Variants in FBXL17 observed in about 807,000 individuals in gnomAD.
The protein encoded by FBXL17 is F-box and leucine rich repeat protein 17.
Under a neutral mutation model 66.2 loss-of-function variants are expected in FBXL17, and 22 were observed. The observed-to-expected ratio is 0.33, with a 90% CI of 0.24 to 0.47. The LOEUF (loss-of-function observed/expected upper bound fraction) is 0.47. Among genes scored for constraint, FBXL17 ranks in the 20% least tolerant of loss-of-function variants. The pLI is 1.00. For missense variants in FBXL17, 878 were observed against 948.2 expected, an observed-to-expected ratio of 0.93 and a Z score of 0.97; for synonymous variants, 474 against 400.5, an observed-to-expected ratio of 1.18 and a Z score of -2.19.
At chr5:108,111,148 G>C (rs1750017110) in intron 6 of FBXL17, among the ~76,000 whole-genome samples, 1 of 151,294 alleles carries the variant, frequency 6.6e-6, no homozygotes, top group African/African-American at 2.4e-5. Flanking sequence ...GAATGAACCA[G>C]TGAATTCATA....
chr5:108,044,360 G>A (rs188274), intron 6 of FBXL17, among the ~76,000 whole-genome samples: 31,090 of 152,026 alleles, frequency 0.2, 3,535 homozygotes, highest in South Asian at 0.45. Context: ...GTTCCTGTCT[G>A]TTTCTGTCTT....
chr5:108,142,992 T>TAATAATAATAATAAA (rs1444891016), intron 6 of FBXL17, among the ~76,000 whole-genome samples: 1 of 150,172 alleles, frequency 6.7e-6, no homozygotes, highest in Non-Finnish European at 1.5e-5. Context: ...ATAATAATAA[T>TAATAATAATAATAAA]AATAATAATA....
At chr5:108,229,566 T>C (rs1360706500) in intron 4 of FBXL17, among the ~76,000 whole-genome samples, 1 of 152,014 alleles carries the variant, frequency 6.6e-6, no homozygotes, top group Non-Finnish European at 1.5e-5. Context: ...AAAAATCGAA[T>C]CAAGATGGAT....
intron 6 of FBXL17, among the ~76,000 whole-genome samples, chr5:108,126,499 G>C (rs1465906381): frequency 1.3e-5 from 2 of 151,560 alleles, no homozygotes. Flanking sequence ...ATTCTAGACA[G>C]CTAAGACCCT....
intron 6 of FBXL17, among the ~76,000 whole-genome samples, chr5:108,071,299 T>G (rs1167185118): frequency 2.0e-5 from 3 of 152,254 alleles, no homozygotes; most frequent in African/African-American, 4.8e-5. Context: ...CTTCCAGGTT[T>G]AAGGCATTGG....
chr5:107,916,259 A>C (rs967659258), intron 7 of FBXL17, among the ~76,000 whole-genome samples: 1 of 152,240 alleles, frequency 6.6e-6, no homozygotes, highest in Middle Eastern at 3.2e-3. Context: ...CCATCTAAAC[A>C]TGGTTAAGGT....
At chr5:107,927,500 T>C (rs753595317) in intron 7 of FBXL17, among the ~76,000 whole-genome samples, 1 of 152,104 alleles carries the variant, frequency 6.6e-6, no homozygotes, top group Non-Finnish European at 1.5e-5. Context: ...CACTTTCTTT[T>C]ACTTAAAGGA....
chr5:108,052,319 G>T (rs778358057), intron 6 of FBXL17, among the ~76,000 whole-genome samples: 1 of 152,016 alleles, frequency 6.6e-6, no homozygotes, highest in Non-Finnish European at 1.5e-5. Context: ...CATCATCTCA[G>T]CCCCAAAACT....
chr5:108,278,253 C>A (rs1484535242), intron 4 of FBXL17, among the ~76,000 whole-genome samples: 1 of 152,184 alleles, frequency 6.6e-6, no homozygotes, highest in African/African-American at 2.4e-5. Context: ...TGAAAAGGAA[C>A]TACTTCAGGG....
At position 108,381,395 on chromosome 5, in the gene FBXL17, G is replaced by C; in HGVS notation, c.297C>G (p.His99Gln). The C allele has an allele frequency of 4.5e-6, 6 of 1,326,396 alleles. No homozygotes were observed. Among genetic ancestry groups the C allele is most frequent in the Non-Finnish European group, 5.7e-6 (6 of 1,047,336 alleles). The allele number at this position is 1,326,396 out of a possible 1,614,324, so 82.2% of individuals were successfully genotyped here. ...CCAGGGCCGCGTAGCGCCGCGCCAG[G>C]TGCTGAGAGGAGGAGGCGGCAGCGT... ...GAYAAASSSQHLARRYAALAA... is the reference protein window; with the variant it reads ...GAYAAASSSQQLARRYAALAA... The change falls in exon 1 of 9, where the codon CAC becomes CAG. Residue 99 changes from histidine to glutamine, a missense_variant. His to Gln is a conservative substitution (Grantham distance 24). Coordinates refer to ENST00000542267, the MANE Select transcript of FBXL17 (RefSeq NM_001163315.3).
chr5:108,220,767 A>G (rs1471210018), intron 5 of FBXL17, among the ~76,000 whole-genome samples: 1 of 152,192 alleles, frequency 6.6e-6, no homozygotes, highest in Non-Finnish European at 1.5e-5. Context: ...CCCACAGTCT[A>G]AACACTGAAG....
chr5:108,340,390 T>TAA (rs375109990), intron 4 of FBXL17, among the ~76,000 whole-genome samples: 21 of 129,310 alleles, frequency 1.6e-4, no homozygotes, highest in South Asian at 2.5e-4. Flanking sequence ...GTCTCTACTT[T>TAA]AAAAAAAAAA....
chr5:108,273,458 G>C (rs1374675468), intron 4 of FBXL17, among the ~76,000 whole-genome samples: 3 of 151,662 alleles, frequency 2.0e-5, no homozygotes. Flanking sequence ...CAAAACAAAT[G>C]CAGAAAAAAA....
rs527641571 is a variant in FBXL17, at chr5:107,924,210, T to C, written c.1823-43031A>G. 3.3e-5 allele frequency among the ~76,000 whole-genome samples: 5 copies of C among 152,138 alleles called. No individual in the cohort carries two copies. The East Asian group carries it at 9.7e-4, about 29-fold the overall frequency. Reference sequence around the variant, plus strand: ...TTGCAAGACTTGTCTTCTGAGAGCGTTCCTTTCAGACCTTAGCTTGCAGCC... The same window carrying C: ...TTGCAAGACTTGTCTTCTGAGAGCGCTCCTTTCAGACCTTAGCTTGCAGCC... On this transcript the variant is annotated intron_variant, in intron 7 of 8. Transcript: ENST00000542267.
chr5:108,182,775 G>A (rs142645607), intron 6 of FBXL17, among the ~76,000 whole-genome samples: 2 of 152,170 alleles, frequency 1.3e-5, no homozygotes, highest in African/African-American at 2.4e-5. Context: ...GAGAGCTCTC[G>A]ACATTTTCAT....
chr5:108,151,819 T>C (rs958018898), intron 6 of FBXL17, among the ~76,000 whole-genome samples: 14 of 152,214 alleles, frequency 9.2e-5, no homozygotes, highest in African/African-American at 2.9e-4. Context: ...CACGCATTAA[T>C]GGTTCTAATA....
At chr5:108,010,364 T>C (rs1184804240) in intron 7 of FBXL17, among the ~76,000 whole-genome samples, 2 of 152,150 alleles carry the variant, frequency 1.3e-5, no homozygotes, top group East Asian at 3.8e-4. Context: ...CTCTAACTTC[T>C]CCAAAAGTAG....
intron 6 of FBXL17, among the ~76,000 whole-genome samples, chr5:108,175,095 C>T (rs1339129818): frequency 6.6e-6 from 1 of 152,124 alleles, no homozygotes. Context: ...GGATTTCAGC[C>T]AGAGTTTCAG....
intron 7 of FBXL17, among the ~76,000 whole-genome samples, chr5:108,005,456 A>G (rs1321232466): frequency 6.6e-6 from 1 of 152,192 alleles, no homozygotes; most frequent in African/African-American, 2.4e-5. Context: ...TGGTGGTTAA[A>G]TATCTGCCCT....
Sources: allele counts gnomAD v4.1 joint callset (sites outside exome capture counted in the v4.1 genomes callset), GRCh38; gene constraint gnomAD v4.1.1; transcripts MANE v1.5; gene names NCBI Gene and HGNC (gene_info 2026-07-23, HGNC 2026-07-21).